The following TRPC3 variants were observed in gnomAD, a reference collection of about 807,000 sequenced individuals.
TRPC3 encodes the protein short transient receptor potential channel 3.
Under a neutral mutation model 90.9 loss-of-function variants are expected in TRPC3, and 54 were observed. The observed-to-expected ratio is 0.59, with a 90% CI of 0.48 to 0.75. TRPC3 has a LOEUF of 0.75. Among genes scored for constraint, TRPC3 ranks in the 30% least tolerant of loss-of-function variants. The pLI, the probability that TRPC3 is intolerant of heterozygous loss-of-function variation, is 0.00. For missense variants in TRPC3, 918 were observed against 1,194.5 expected, an observed-to-expected ratio of 0.77 and a Z score of 3.41; for synonymous variants, 424 against 450.9, an observed-to-expected ratio of 0.94 and a Z score of 0.75.
intron 3 of TRPC3, among the ~76,000 whole-genome samples, chr4:121,920,129 T>C (rs1472657992): frequency 6.6e-6 from 1 of 152,226 alleles, no homozygotes; most frequent in African/African-American, 2.4e-5. Context: ...TCTTCCAGTG[T>C]ATTCCATTCT....
At chr4:121,945,377 T>C (rs1293216034) in intron 1 of TRPC3, among the ~76,000 whole-genome samples, 2 of 152,186 alleles carry the variant, frequency 1.3e-5, no homozygotes, top group African/African-American at 2.4e-5. Flanking sequence ...GAACAAGGAA[T>C]TGCAACACAA....
intron 3 of TRPC3, among the ~76,000 whole-genome samples, chr4:121,920,481 G>A (rs1560706043): frequency 2.0e-5 from 3 of 151,824 alleles, no homozygotes; most frequent in African/African-American, 2.4e-5. Flanking sequence ...CCAAGATCTC[G>A]CCACTGCACT....
chr4:121,917,606 T>G (rs1231900586), intron 3 of TRPC3, among the ~76,000 whole-genome samples: 1 of 152,194 alleles, frequency 6.6e-6, no homozygotes, highest in Non-Finnish European at 1.5e-5. Flanking sequence ...CAAAATAAGC[T>G]ATTATAACTG....
intron 1 of TRPC3, among the ~76,000 whole-genome samples, chr4:121,941,176 G>A (rs1368016553): frequency 6.6e-6 from 1 of 152,180 alleles, no homozygotes; most frequent in Admixed American, 6.5e-5. Flanking sequence ...CTTCTAACAT[G>A]GGTGTTTGGG....
At position 121,915,677 on chromosome 4, in the gene TRPC3, A is replaced by T. The variant is rs577869822; in HGVS notation, c.1177-733T>A. 4.6e-5 allele frequency among the ~76,000 whole-genome samples: 7 copies of T among 152,178 alleles called. No individual in the cohort carries two copies. The South Asian group carries it at 1.5e-3, about 32-fold the overall frequency. The stretch of plus-strand genomic sequence containing the variant: ...CAGGAAAAATGAGCAAATTATACTT[A>T]TTTCAGCCCAGCCATTTGATTTTTT... On this transcript the variant is annotated intron_variant, in intron 3 of 11. Coordinates refer to ENST00000379645, the MANE Select transcript of TRPC3 (RefSeq NM_001130698.2).
At chr4:121,890,450 ATG>A (rs1728286119) in intron 10 of TRPC3, among the ~76,000 whole-genome samples, 1 of 152,186 alleles carries the variant, frequency 6.6e-6, no homozygotes, top group Admixed American at 6.5e-5. Flanking sequence ...CATAATTATA[ATG>A]TGTCAATTAA....
At chr4:121,942,046 C>G (rs76294281) in intron 1 of TRPC3, among the ~76,000 whole-genome samples, 9 of 152,286 alleles carry the variant, frequency 5.9e-5, no homozygotes, top group African/African-American at 1.9e-4. Flanking sequence ...AACAACCAAA[C>G]CAGCAAGATA....
chr4:121,875,105 G>A lies in TRPC3; in HGVS notation c.*4631C>T, dbSNP rs916897184. On this transcript the variant is annotated 3_prime_UTR_variant, in exon 12 of 12. Transcript: ENST00000379645. The stretch of plus-strand genomic sequence containing the variant: ...ATAGTTCATACAAATTAATAATGAA[G>A]AAATACTATGGTTCTAATAAATAGG... 2.0e-5 allele frequency among the ~76,000 whole-genome samples: 3 copies of A among 147,148 alleles called. No individual in the cohort carries two copies. Among genetic ancestry groups the A allele is most frequent in the Non-Finnish European group, 4.5e-5 (3 of 67,212 alleles).
intron 10 of TRPC3, among the ~76,000 whole-genome samples, chr4:121,894,256 A>G (rs921450382): frequency 8.5e-5 from 13 of 152,178 alleles, no homozygotes; most frequent in African/African-American, 3.1e-4. Flanking sequence ...AAAAGAGACA[A>G]AGAAAGGCAT....
At chr4:121,916,821 C>A (rs1313191649) in intron 3 of TRPC3, among the ~76,000 whole-genome samples, 2 of 152,016 alleles carry the variant, frequency 1.3e-5, no homozygotes, top group African/African-American at 4.8e-5. Flanking sequence ...TCAAGTGATT[C>A]TCCTACCTCA....
chr4:121,902,792 A>G, intron 9 of TRPC3, 60 bp downstream of exon 9: 1 of 1,300,776 alleles, frequency 7.7e-7, no homozygotes, highest in Non-Finnish European at 1.1e-6. Flanking sequence ...AAACATCAGA[A>G]GACAAGAAAA....
At chr4:121,888,235 G>T (rs1728199616) in intron 10 of TRPC3, among the ~76,000 whole-genome samples, 1 of 152,084 alleles carries the variant, frequency 6.6e-6, no homozygotes, top group Non-Finnish European at 1.5e-5. Flanking sequence ...TGAAGAAATT[G>T]TTTTGGAGAA....
chr4:121,889,333 G>C (rs998766587), intron 10 of TRPC3, among the ~76,000 whole-genome samples: 1 of 152,052 alleles, frequency 6.6e-6, no homozygotes, highest in Non-Finnish European at 1.5e-5. Flanking sequence ...CATCTGACAA[G>C]GGGTTAATAT....
chr4:121,901,777 A>G (rs1330035987), intron 9 of TRPC3, among the ~76,000 whole-genome samples: 1 of 152,194 alleles, frequency 6.6e-6, no homozygotes, highest in East Asian at 1.9e-4. Flanking sequence ...AAGTGCCACA[A>G]TTCAAATCCA....
rs1729111074 is a variant in TRPC3, at chr4:121,911,808, T to C, written c.1558+69A>G. On this transcript the variant is annotated intron_variant, in intron 5 of 11. Transcript: ENST00000379645. ...AAGATATAATAACATTTTTTTTCAA[T>C]AGAAAATGACAATTATTTCTATAAT... 3 of 1,442,806 alleles carry C rather than the reference T, an allele frequency of 2.1e-6. No homozygotes were observed. The South Asian group carries it at 3.9e-5, about 19-fold the overall frequency. The allele number at this position is 1,442,806 out of a possible 1,614,324, so 89.4% of individuals were successfully genotyped here.
At chr4:121,911,796 A>AT (rs573556111) in intron 5 of TRPC3, 81 bp downstream of exon 5, 169 of 1,356,398 alleles carry the variant, frequency 1.2e-4, no homozygotes, top group South Asian at 3.4e-4. Flanking sequence ...ATATAATAAC[A>AT]TTTTTTTTCA....
At chr4:121,901,792 T>C (rs543852130) in intron 9 of TRPC3, among the ~76,000 whole-genome samples, 2 of 152,304 alleles carry the variant, frequency 1.3e-5, no homozygotes, top group East Asian at 3.9e-4. Flanking sequence ...AATCCAGGTC[T>C]AATGTCGAAG....
chr4:121,899,635 G>C lies in TRPC3; in HGVS notation c.2524C>G (p.Leu842Val), dbSNP rs1728636821. ...ACCTGATAACGTGTTGGCTGATTGAGAATGCTGTTAAAACTGTGTGATTCA... is the reference window on the plus strand; with the variant it reads ...ACCTGATAACGTGTTGGCTGATTGACAATGCTGTTAAAACTGTGTGATTCA... ...VFESHSFNSILNQPTRYQQIM... is the reference protein window; with the variant it reads ...VFESHSFNSIVNQPTRYQQIM... Residue 842 changes from leucine (L) to valine (V), a missense_variant, in exon 10 of 12, where the codon CTC becomes GTC. By Grantham distance (32) the Leu-to-Val change is conservative. Transcript: ENST00000379645. The C allele has an allele frequency of 6.2e-7, 1 of 1,613,428 alleles. No homozygotes were observed. Among genetic ancestry groups the C allele is most frequent in the Non-Finnish European group, 8.5e-7 (1 of 1,179,712 alleles).
intron 1 of TRPC3, among the ~76,000 whole-genome samples, chr4:121,936,706 C>T (rs966344961): frequency 6.6e-6 from 1 of 152,184 alleles, no homozygotes; most frequent in South Asian, 2.1e-4. Context: ...AGGGCTTGCT[C>T]CCCTCACCCT....
Sources: allele counts gnomAD v4.1 joint callset (sites outside exome capture counted in the v4.1 genomes callset), GRCh38; gene constraint gnomAD v4.1.1; transcripts MANE v1.5; gene names NCBI Gene and HGNC (gene_info 2026-07-23, HGNC 2026-07-21).